ATRX: variants seen among roughly 807,000 people sequenced by gnomAD.
ATRX encodes chromatin remodeler ATRX.
ATRX carries 12 observed loss-of-function variants against 172.6 expected under a neutral mutation model. The observed-to-expected ratio is 0.07, with a 90% CI of 0.04 to 0.11. ATRX has a LOEUF of 0.11. ATRX is among the 10% of genes least tolerant of loss of function. The pLI is 1.00. For missense variants in ATRX, 1,368 were observed against 1,767.4 expected (o/e 0.77, Z 4.05); for synonymous variants, 674 against 594.7 (o/e 1.13, Z -1.94).
intron 15 of ATRX, among the ~76,000 whole-genome samples, chrX:77,648,626 T>G (rs1557115103): frequency 8.7e-5 from 3 of 34,561 alleles, no homozygotes; most frequent in South Asian, 1.2e-3. Flanking sequence ...AAAGCTGCGT[T>G]TTTTTTTTTT....
At chrX:77,668,930 C>T (rs932100283) in intron 10 of ATRX, among the ~76,000 whole-genome samples, 4 of 110,415 alleles carry the variant, frequency 3.6e-5, no homozygotes, top group African/African-American at 9.9e-5. Flanking sequence ...CTTGTTTAAA[C>T]GCTCAAACAG....
intron 15 of ATRX, among the ~76,000 whole-genome samples, chrX:77,648,471 C>T (rs1040753041): frequency 2.7e-5 from 3 of 110,372 alleles, no homozygotes; most frequent in Non-Finnish European, 3.8e-5. Context: ...AAAATGCATA[C>T]GTTAAAGAAG....
Position 77,644,978 on chromosome X carries a change from G to A in ATRX, c.4557+7136C>T, listed in dbSNP as rs188885375. Among the ~76,000 whole-genome samples, 465 of 111,116 alleles carry A rather than the reference G, an allele frequency of 4.2e-3. 4 individuals are homozygous for A. Among genetic ancestry groups the A allele is most frequent in the Non-Finnish European group, 6.9e-3 (368 of 52,985 alleles). On this transcript the variant is annotated intron_variant, in intron 15 of 34. Transcript: ENST00000373344. ...TACACACAAACTGTCGAAGGCCAAA[G>A]ACAAAGAGAATATTGAAAGCAGCAA...
chrX:77,528,430 A>T (rs1244574026), intron 30 of ATRX, among the ~76,000 whole-genome samples: 15 of 111,307 alleles, frequency 1.3e-4, no homozygotes, highest in African/African-American at 4.9e-4. Flanking sequence ...TGGGTCCCTG[A>T]TCCCATCCCT....
intron 1 of ATRX, among the ~76,000 whole-genome samples, chrX:77,757,467 T>C (rs1557190765): frequency 9.0e-6 from 1 of 111,581 alleles, no homozygotes; most frequent in Non-Finnish European, 1.9e-5. Flanking sequence ...CAGATGCAAA[T>C]GGAACTCTTA....
At chrX:77,578,528 C>T (rs2065710461) in intron 27 of ATRX, among the ~76,000 whole-genome samples, 1 of 112,287 alleles carries the variant, frequency 8.9e-6, no homozygotes, top group African/African-American at 3.2e-5. Context: ...CAGGCCCTAG[C>T]TCCCTGGGCC....
chrX:77,567,154 T>G (rs782520511), intron 28 of ATRX, among the ~76,000 whole-genome samples: 1 of 109,761 alleles, frequency 9.1e-6, no homozygotes, highest in African/African-American at 3.3e-5. Context: ...ATTTCAAAAA[T>G]ATAAAACTAA....
intron 27 of ATRX, among the ~76,000 whole-genome samples, chrX:77,585,583 C>CAAAAAAA: frequency 0.022 from 185 of 8,555 alleles, 78 homozygotes; most frequent in Non-Finnish European, 0.033. Flanking sequence ...CTCCCCCCAC[C>CAAAAAAA]AAAAAAAAAA....
chrX:77,617,487 A>G (rs2067400848), intron 21 of ATRX, among the ~76,000 whole-genome samples: 1 of 111,170 alleles, frequency 9.0e-6, no homozygotes, highest in Admixed American at 9.6e-5. Flanking sequence ...CTCCACAGAT[A>G]GCAAAATCCA....
intron 30 of ATRX, among the ~76,000 whole-genome samples, chrX:77,552,814 T>A (rs1216960184): frequency 9.0e-6 from 1 of 110,592 alleles, no homozygotes; most frequent in African/African-American, 3.3e-5. Flanking sequence ...TAAGTAATAA[T>A]GACCTAAGGA....
At chrX:77,512,672 C>T (rs1364450369) in intron 34 of ATRX, among the ~76,000 whole-genome samples, 5 of 111,056 alleles carry the variant, frequency 4.5e-5, no homozygotes, top group Admixed American at 2.9e-4. Context: ...AGTTCGAGAC[C>T]AGCCTGGCCA....
intron 28 of ATRX, among the ~76,000 whole-genome samples, chrX:77,561,439 A>G (rs1338889922): frequency 9.0e-6 from 1 of 111,301 alleles, no homozygotes; most frequent in Non-Finnish European, 1.9e-5. Context: ...TATTAGTATT[A>G]AAGTATATGC....
intron 26 of ATRX, among the ~76,000 whole-genome samples, chrX:77,590,207 A>AGG (rs1557079451): frequency 9.0e-6 from 1 of 111,671 alleles, no homozygotes; most frequent in Non-Finnish European, 1.9e-5. Flanking sequence ...AGTGTAGTAA[A>AGG]GGGACAGGCA....
intron 12 of ATRX, among the ~76,000 whole-genome samples, chrX:77,660,234 T>C (rs965480002): frequency 1.2e-4 from 13 of 112,141 alleles, no homozygotes; most frequent in Non-Finnish European, 1.7e-4. Context: ...AGTTCCTTTA[T>C]AGAATCTGTA....
At chrX:77,517,950 C>A (rs1557039717) in intron 34 of ATRX, among the ~76,000 whole-genome samples, 1 of 111,907 alleles carries the variant, frequency 8.9e-6, no homozygotes, top group Non-Finnish European at 1.9e-5. Context: ...GCTGAAAAAA[C>A]ATCTGATAAT....
chrX:77,546,396 C>T (rs1165596265), intron 30 of ATRX, among the ~76,000 whole-genome samples: 3 of 111,478 alleles, frequency 2.7e-5, no homozygotes, highest in Non-Finnish European at 5.7e-5. Context: ...TACTACATAC[C>T]TTGTACACAC....
intron 2 of ATRX, among the ~76,000 whole-genome samples, chrX:77,701,529 C>A (rs1384138155): frequency 2.8e-5 from 3 of 108,642 alleles, no homozygotes; most frequent in Non-Finnish European, 5.7e-5. Flanking sequence ...AAAAAAAAAT[C>A]TTTTTTCTAA....
intron 30 of ATRX, 74 bp from the exon 31 acceptor site, chrX:77,523,475 G>GAGA: frequency 9.5e-7 from 1 of 1,049,871 alleles, no homozygotes; most frequent in Non-Finnish European, 1.3e-6. Flanking sequence ...TAGTTCTATG[G>GAGA]TCAACTGTAC....
intron 21 of ATRX, 85 bp from the exon 22 acceptor site, chrX:77,616,815 T>G: frequency 1.5e-6 from 1 of 664,191 alleles, no homozygotes. Context: ...ATAACTGAAA[T>G]ATACACATAA....
Sources: gnomAD v4.1 joint callset for allele counts (sites outside exome capture counted in the v4.1 genomes callset) on GRCh38, gnomAD v4.1.1 for gene constraint, MANE v1.5 for transcripts, NCBI Gene and HGNC (gene_info 2026-07-23, HGNC 2026-07-21) for gene names.